Variants in MPPED2 observed in about 807,000 individuals in gnomAD.
MPPED2 encodes metallophosphoesterase MPPED2.
MPPED2 carries 5 observed loss-of-function variants against 33.0 expected under a neutral mutation model. The ratio of observed to expected loss-of-function variants is 0.15; its 90% CI spans 0.08 to 0.32. MPPED2 has a LOEUF of 0.32. Ranked by LOEUF, MPPED2 falls within the 10% of genes least tolerant of loss-of-function variation. The pLI, the probability that MPPED2 is intolerant of heterozygous loss-of-function variation, is 1.00. For missense variants in MPPED2, 275 were observed against 372.1 expected, an observed-to-expected ratio of 0.74 and a Z score of 2.15; for synonymous variants, 136 against 141.9, an observed-to-expected ratio of 0.96 and a Z score of 0.29.
chr11:30,453,198 G>A (rs573819894), intron 4 of MPPED2, among the ~76,000 whole-genome samples: 21 of 152,188 alleles, frequency 1.4e-4, no homozygotes, highest in Middle Eastern at 3.4e-3. Flanking sequence ...TTGTGAGTTC[G>A]GGGTTCAAGC....
chr11:30,428,306 A>C (rs1192956021), intron 4 of MPPED2, among the ~76,000 whole-genome samples: 1 of 152,216 alleles, frequency 6.6e-6, no homozygotes, highest in Non-Finnish European at 1.5e-5. Flanking sequence ...TGCTGCTTAC[A>C]AATAATTCTC....
chr11:30,417,652 A>G lies in MPPED2; in HGVS notation c.537-19T>C. On this transcript the variant is annotated intron_variant, in intron 4 of 6. Coordinates refer to ENST00000358117, the MANE Select transcript of MPPED2 (RefSeq NM_001584.3). ...CGGGGTCCTTTGGGGGAGATAATGC[A>G]CATGGTATCAGGCCAGCAGAGCCAC... 6.9e-7 allele frequency: 1 copy of G among 1,452,878 alleles called. No homozygotes were observed. The highest frequency in any genetic ancestry group is 9.7e-7 in the Non-Finnish European group (1 of 1,034,266). 90.0% of individuals were successfully genotyped at this position (1,452,878 alleles called of 1,614,324 possible).
chr11:30,403,623 GC>G (rs1162281564), intron 6 of MPPED2, among the ~76,000 whole-genome samples: 3 of 152,188 alleles, frequency 2.0e-5, no homozygotes, highest in African/African-American at 7.2e-5. Context: ...GGATCTCTAT[GC>G]CATTTGATGC....
At position 30,501,624 on chromosome 11, in the gene MPPED2, A is replaced by C. The variant is rs563385283; in HGVS notation, c.311-6103T>G. On this transcript the variant is annotated intron_variant, in intron 3 of 6. Coordinates refer to ENST00000358117, the MANE Select transcript of MPPED2 (RefSeq NM_001584.3). ...ATTAGTATAACCTGTAATAGATAGC[A>C]TCCAGACTGTTTCTCTCAAGAGTGA... 5.1e-6 allele frequency: 5 copies of C among 980,898 alleles called. No homozygotes were observed. In the South Asian group the frequency reaches 2.4e-4, roughly 46 times the overall value. The allele number at this position is 980,898 out of a possible 1,614,324, so 60.8% of individuals were successfully genotyped here.
At chr11:30,536,708 T>G (rs1401846526) in intron 2 of MPPED2, among the ~76,000 whole-genome samples, 4 of 152,094 alleles carry the variant, frequency 2.6e-5, no homozygotes, top group Non-Finnish European at 1.5e-5. Context: ...ATTCAACACC[T>G]GTATCTTCTG....
At chr11:30,462,886 C>T (rs547181950) in intron 4 of MPPED2, among the ~76,000 whole-genome samples, 113 of 152,224 alleles carry the variant, frequency 7.4e-4, no homozygotes, top group Non-Finnish European at 1.2e-3. Flanking sequence ...TTAAAAGGCA[C>T]ATATGAAGAG....
chr11:30,494,459 C>T (rs1344927710), intron 4 of MPPED2, among the ~76,000 whole-genome samples: 3 of 151,968 alleles, frequency 2.0e-5, no homozygotes, highest in African/African-American at 7.3e-5. Context: ...GAAAAAGGGC[C>T]AGGAGCGGTG....
intron 6 of MPPED2, among the ~76,000 whole-genome samples, chr11:30,412,342 T>C (rs1285930144): frequency 6.6e-6 from 1 of 151,762 alleles, no homozygotes; most frequent in African/African-American, 2.4e-5. Flanking sequence ...TATGTTCCTT[T>C]GATAATTTTC....
downstream of MPPED2, among the ~76,000 whole-genome samples, chr11:30,408,390 C>A (rs1017713101): frequency 6.6e-6 from 1 of 152,206 alleles, no homozygotes; most frequent in Non-Finnish European, 1.5e-5. Flanking sequence ...GCGCTCACTG[C>A]AACCTCTGCC....
chr11:30,458,153 G>A (rs541629741), intron 4 of MPPED2, among the ~76,000 whole-genome samples: 2 of 152,286 alleles, frequency 1.3e-5, no homozygotes, highest in South Asian at 4.1e-4. Context: ...AAGATGAAAT[G>A]ATCTCAAAGG....
At chr11:30,521,691 C>T (rs1003981133) in intron 3 of MPPED2, among the ~76,000 whole-genome samples, 1 of 152,202 alleles carries the variant, frequency 6.6e-6, no homozygotes, top group Admixed American at 6.5e-5. Flanking sequence ...TATCTTCTGA[C>T]CTTTGCCAGT....
At chr11:30,407,928 T>A (rs535836096), downstream of MPPED2, among the ~76,000 whole-genome samples, 45 of 152,098 alleles carry the variant, frequency 3.0e-4, 1 homozygote, top group South Asian at 8.3e-3. Context: ...TATATTTTTT[T>A]AAAAAGGTAC....
At chr11:30,401,582 A>G (rs1185625968) in intron 6 of MPPED2, among the ~76,000 whole-genome samples, 1 of 152,232 alleles carries the variant, frequency 6.6e-6, no homozygotes, top group Non-Finnish European at 1.5e-5. Context: ...TAGCAGAAGC[A>G]TTTTCTTACA....
At chr11:30,535,164 T>C (rs1954743728) in intron 3 of MPPED2, among the ~76,000 whole-genome samples, 1 of 152,186 alleles carries the variant, frequency 6.6e-6, no homozygotes, top group South Asian at 2.1e-4. Flanking sequence ...CCTGCTTTAG[T>C]TTGATGGAAA....
chr11:30,428,443 G>A (rs1948939227), intron 4 of MPPED2, among the ~76,000 whole-genome samples: 1 of 152,202 alleles, frequency 6.6e-6, no homozygotes, highest in African/African-American at 2.4e-5. Flanking sequence ...AGAGGCTGAG[G>A]TGGGAGGATC....
intron 4 of MPPED2, among the ~76,000 whole-genome samples, chr11:30,466,084 T>A (rs1224345630): frequency 2.0e-5 from 3 of 152,240 alleles, no homozygotes; most frequent in Non-Finnish European, 4.4e-5. Context: ...TGCTAGAATG[T>A]AACTCCATGA....
chr11:30,394,936 C>T (rs565452891), intron 6 of MPPED2, among the ~76,000 whole-genome samples: 4 of 152,282 alleles, frequency 2.6e-5, no homozygotes, highest in African/African-American at 9.6e-5. Context: ...AATTGTTCAA[C>T]ACCATTTCTT....
chr11:30,444,469 A>C (rs1185148712), intron 4 of MPPED2, among the ~76,000 whole-genome samples: 1 of 139,514 alleles, frequency 7.2e-6, no homozygotes, highest in Non-Finnish European at 1.6e-5. Flanking sequence ...TTTTTTTTTT[A>C]GAAAAAACAC....
chr11:30,419,068 G>A lies in MPPED2; in HGVS notation c.537-1435C>T, dbSNP rs942143956. Among the ~76,000 whole-genome samples, 7 of 152,234 alleles carry A rather than the reference G, an allele frequency of 4.6e-5. 1 individual carries two copies. The highest frequency in any genetic ancestry group is 1.3e-4 in the Admixed American group (2 of 15,290). ...CTTTCCAAGTCCTTAAGCCATGCCC[G>A]GGGTGCTTGCTTATAATAGAAATAA... On this transcript the variant is annotated intron_variant, in intron 4 of 6. Coordinates refer to ENST00000358117, the MANE Select transcript of MPPED2 (RefSeq NM_001584.3).
Sources: gnomAD v4.1 joint callset for allele counts (sites outside exome capture counted in the v4.1 genomes callset) on GRCh38, gnomAD v4.1.1 for gene constraint, MANE v1.5 for transcripts, NCBI Gene and HGNC (gene_info 2026-07-23, HGNC 2026-07-21) for gene names.